Variants in HCFC2 observed in about 807,000 individuals in gnomAD.
HCFC2 encodes the protein host cell factor C2, also known as host cell factor 2.
A neutral mutation model predicts 89.2 loss-of-function variants in HCFC2; 18 were observed. The observed-to-expected ratio is 0.20, with a 90% CI of 0.14 to 0.30. HCFC2 has a LOEUF of 0.30. Ranked by LOEUF, HCFC2 falls within the 10% of genes least tolerant of loss-of-function variation. The pLI is 1.00. For missense variants in HCFC2, 578 were observed against 956.1 expected (o/e 0.60, Z 5.21); for synonymous variants, 308 against 335.7 (o/e 0.92, Z 0.90).
intron 7 of HCFC2, among the ~76,000 whole-genome samples, 199 bp from the exon 8 acceptor site, chr12:104,086,648 A>AAAT (rs1453976144): frequency 6.7e-6 from 1 of 150,034 alleles, no homozygotes; most frequent in Non-Finnish European, 1.5e-5. Context: ...ATAAATAAAT[A>AAAT]AATAAATAGA....
intron 3 of HCFC2, among the ~76,000 whole-genome samples, chr12:104,073,983 T>C (rs1441601649): frequency 1.3e-5 from 2 of 152,242 alleles, no homozygotes; most frequent in Admixed American, 6.5e-5. Context: ...TTATGGCCTA[T>C]GAAGCCTAAA....
At chr12:104,082,358 C>T in intron 5 of HCFC2, 142 bp from the exon 6 acceptor site, 2 of 515,210 alleles carry the variant, frequency 3.9e-6, no homozygotes, top group East Asian at 3.5e-5. Context: ...CTTCTTATTC[C>T]CATTACCTTG....
intron 3 of HCFC2, among the ~76,000 whole-genome samples, chr12:104,071,895 T>C (rs1002262127): frequency 2.6e-5 from 4 of 152,232 alleles, no homozygotes; most frequent in African/African-American, 7.2e-5. Context: ...TTAATTTGCA[T>C]TTCTCTAATG....
chr12:104,101,023 A>G (rs2029920907), intron 13 of HCFC2, among the ~76,000 whole-genome samples: 1 of 152,186 alleles, frequency 6.6e-6, no homozygotes, highest in East Asian at 1.9e-4. Flanking sequence ...TAGAGATGAC[A>G]TGGCTCCCTT....
At chr12:104,088,858 T>C (rs1323861681) in intron 9 of HCFC2, among the ~76,000 whole-genome samples, 3 of 152,226 alleles carry the variant, frequency 2.0e-5, no homozygotes, top group Non-Finnish European at 4.4e-5. Flanking sequence ...TGTATGTGTG[T>C]GTATCACAAA....
In HCFC2 at chr12:104,068,685, A is replaced by G. The variant is rs915500410; in HGVS notation, c.473+578A>G. Among the ~76,000 whole-genome samples the G allele has an allele frequency of 1.3e-5, 2 of 152,168 alleles. No individual in the cohort carries two copies. Among genetic ancestry groups the G allele is most frequent in the African/African-American group, 4.8e-5 (2 of 41,432 alleles). ...TTGTTTGTTTGTATGTTGAGTTCCA[A>G]TAAGCCTTTATGAAGCAGCTCATAG... On this transcript the variant is annotated intron_variant, in intron 3 of 14. Transcript: ENST00000229330. The surrounding 1 kb of genome is among the most constrained non-coding windows in gnomAD (Gnocchi z 4.1).
In HCFC2 at chr12:104,096,539, A is replaced by G; in HGVS notation, c.1740+106A>G. The stretch of plus-strand genomic sequence containing the variant: ...ATAAAAAGATTCTCAGGTCTCAGTA[A>G]TGAACTGACATAAATTTAGAAATAA... On this transcript the variant is annotated intron_variant, in intron 12 of 14. Coordinates refer to ENST00000229330, the MANE Select transcript of HCFC2 (RefSeq NM_013320.3). 3 of 672,196 alleles carry G rather than the reference A, an allele frequency of 4.5e-6. No individual in the cohort carries two copies. The Middle Eastern group carries it at 7.6e-4, about 170-fold the overall frequency. 41.6% of individuals were successfully genotyped at this position (672,196 alleles called of 1,614,324 possible).
chr12:104,090,613 A>C (rs984549906), intron 9 of HCFC2, among the ~76,000 whole-genome samples: 57 of 151,928 alleles, frequency 3.8e-4, no homozygotes, highest in African/African-American at 1.3e-3. Context: ...TAAAAGCCTC[A>C]TTTTATTCTT....
chr12:104,066,343 T>C (rs1883143192), intron 2 of HCFC2, 28 bp downstream of exon 2: 1 of 1,507,856 alleles, frequency 6.6e-7, no homozygotes, highest in Admixed American at 2.3e-5. Flanking sequence ...TGTTTCATTC[T>C]GAGGCTTTAA....
At chr12:104,083,955 C>A (rs1247544089) in intron 7 of HCFC2, among the ~76,000 whole-genome samples, 1 of 152,090 alleles carries the variant, frequency 6.6e-6, no homozygotes, top group African/African-American at 2.4e-5. Flanking sequence ...GCCCAGGAGT[C>A]TGAGTCTACC....
At chr12:104,077,442 C>T (rs1318139408) in intron 3 of HCFC2, among the ~76,000 whole-genome samples, 10 of 151,778 alleles carry the variant, frequency 6.6e-5, no homozygotes, top group African/African-American at 2.2e-4. Flanking sequence ...CGGGGTTTCA[C>T]CATGTTGGCC....
In HCFC2 at chr12:104,085,920, A is replaced by AT. The variant is rs1237496666; in HGVS notation, c.1064-917dup. Among the ~76,000 whole-genome samples, 203 of 125,396 alleles carry AT rather than the reference A, an allele frequency of 1.6e-3. 2 individuals carry two copies. Among genetic ancestry groups the AT allele is most frequent in the African/African-American group, 5.4e-3 (183 of 33,656 alleles). The allele number at this position is 125,396 out of a possible 152,430, so 82.3% of individuals were successfully genotyped here. A position where few individuals can be genotyped will look rare whatever the true frequency, so the allele number is the denominator to read the frequency against. Reference sequence around the variant, plus strand: ...CATGCATATATTGTTACTTTGATGTATTTTTTTTTTCATTTAGGCAATAAT... The same window carrying AT: ...CATGCATATATTGTTACTTTGATGTATTTTTTTTTTTCATTTAGGCAATAAT... On this transcript the variant is annotated intron_variant, in intron 7 of 14. Coordinates refer to ENST00000229330, the MANE Select transcript of HCFC2 (RefSeq NM_013320.3).
At position 104,068,942 on chromosome 12, in the gene HCFC2, T is replaced by C. The variant is rs1461487871; in HGVS notation, c.473+835T>C. Among the ~76,000 whole-genome samples, 1 of 152,190 alleles carries C rather than the reference T, an allele frequency of 6.6e-6. No homozygotes were observed. The highest frequency in any genetic ancestry group is 1.9e-4 in the East Asian group (1 of 5,196). On this transcript the variant is annotated intron_variant, in intron 3 of 14. Transcript: ENST00000229330. The surrounding 1 kb of genome is among the most constrained non-coding windows in gnomAD (Gnocchi z 4.1). ...TAGATATTTTGTATATATATTAAAA[T>C]GGTTACTATAGTGGTAATATATCCG...
At chr12:104,098,803 A>G (rs915277976) in intron 13 of HCFC2, among the ~76,000 whole-genome samples, 1 of 152,104 alleles carries the variant, frequency 6.6e-6, no homozygotes, top group Non-Finnish European at 1.5e-5. Context: ...GATCAAGACC[A>G]TCCTGGCTAA....
chr12:104,074,968 T>C (rs760615465), intron 3 of HCFC2, among the ~76,000 whole-genome samples: 10 of 152,316 alleles, frequency 6.6e-5, no homozygotes, highest in South Asian at 6.2e-4. Flanking sequence ...CTTCTATAAG[T>C]ATTGATCTAT....
intron 13 of HCFC2, among the ~76,000 whole-genome samples, chr12:104,100,181 A>G (rs547995204): frequency 1.2e-4 from 18 of 152,286 alleles, no homozygotes; most frequent in South Asian, 1.0e-3. Flanking sequence ...AAACCCCTTA[A>G]AGAGGACCTC....
rs1256606376 is a variant in HCFC2 at position 104,105,482 on chromosome 12, A to G, written c.*2209A>G. Reference sequence around the variant, plus strand: ...GTGATTCTGAACCTGTGGTTCTAACATATGACTTAACTGTTTAGAGGGAAG... The same window carrying G: ...GTGATTCTGAACCTGTGGTTCTAACGTATGACTTAACTGTTTAGAGGGAAG... On this transcript the variant is annotated 3_prime_UTR_variant, in exon 15 of 15. Transcript: ENST00000229330. 3 of 152,060 alleles carry G rather than the reference A, an allele frequency of 2.0e-5. No homozygotes were observed. Among genetic ancestry groups the G allele is most frequent in the Admixed American group, 6.6e-5 (1 of 15,258 alleles). 9.4% of individuals were successfully genotyped at this position (152,060 alleles called of 1,614,324 possible).
chr12:104,080,844 T>C lies in HCFC2; in HGVS notation c.767+14T>C. 6.4e-7 allele frequency: 1 copy of C among 1,556,146 alleles called. No individual in the cohort carries two copies. Among genetic ancestry groups the C allele is most frequent in the Non-Finnish European group, 8.8e-7 (1 of 1,142,284 alleles). Reference sequence around the variant, plus strand: ...TATAGGAAACAAGTATGGTGGTTTTTTGTATTTTGCTTCTGTTTTTTTTAA... The same window carrying C: ...TATAGGAAACAAGTATGGTGGTTTTCTGTATTTTGCTTCTGTTTTTTTTAA... On this transcript the variant is annotated intron_variant, in intron 5 of 14. Transcript: ENST00000229330.
chr12:104,085,979 A>T (rs1387204188), intron 7 of HCFC2, among the ~76,000 whole-genome samples: 3 of 142,670 alleles, frequency 2.1e-5, no homozygotes, highest in Non-Finnish European at 4.6e-5. Context: ...TTAAGGATTT[A>T]TCTCTTCCTC....
Sources: allele counts gnomAD v4.1 joint callset (sites outside exome capture counted in the v4.1 genomes callset), GRCh38; gene constraint gnomAD v4.1.1; non-coding constraint Gnocchi (gnomAD v3.1); transcripts MANE v1.5; gene names NCBI Gene and HGNC (gene_info 2026-07-23, HGNC 2026-07-21).